The following ANKS1B variants were observed in gnomAD, a reference collection of about 807,000 sequenced individuals.
The protein encoded by ANKS1B is ankyrin repeat and sterile alpha motif domain containing 1B.
Under a neutral mutation model 148.3 loss-of-function variants are expected in ANKS1B, and 36 were observed. The observed-to-expected ratio is 0.24, with a 90% confidence interval of 0.19 to 0.32. The LOEUF (loss-of-function observed/expected upper bound fraction) is 0.32. Ranked by LOEUF, ANKS1B falls within the 10% of genes least tolerant of loss-of-function variation. ANKS1B has a pLI of 1.00. For missense variants in ANKS1B, 1,157 were observed against 1,542.6 expected, an observed-to-expected ratio of 0.75 and a Z score of 4.19; for synonymous variants, 542 against 560.8, an observed-to-expected ratio of 0.97 and a Z score of 0.47.
intron 8 of ANKS1B, among the ~76,000 whole-genome samples, chr12:99,684,184 A>G (rs984142184): frequency 3.3e-4 from 50 of 152,226 alleles, no homozygotes; most frequent in African/African-American, 1.0e-3. Context: ...CTGGTCACCA[A>G]TGATATGATC....
intron 8 of ANKS1B, among the ~76,000 whole-genome samples, chr12:99,674,203 T>G (rs1476416639): frequency 6.6e-6 from 1 of 151,830 alleles, no homozygotes; most frequent in Non-Finnish European, 1.5e-5. Flanking sequence ...TGGCAAATCT[T>G]CCTCAAATAA....
At chr12:99,487,143 G>T (rs2096500957) in intron 10 of ANKS1B, among the ~76,000 whole-genome samples, 1 of 152,168 alleles carries the variant, frequency 6.6e-6, no homozygotes, top group Admixed American at 6.5e-5. Flanking sequence ...GGTGCTCAAG[G>T]CCTGCCATCC....
At chr12:99,870,360 T>G (rs895271773) in intron 1 of ANKS1B, among the ~76,000 whole-genome samples, 1 of 152,240 alleles carries the variant, frequency 6.6e-6, no homozygotes, top group Non-Finnish European at 1.5e-5. Flanking sequence ...CCTCGGTTGA[T>G]TCCATGTCTT....
chr12:99,958,384 T>G (rs1430190381), intron 1 of ANKS1B, among the ~76,000 whole-genome samples: 1 of 152,082 alleles, frequency 6.6e-6, no homozygotes, highest in African/African-American at 2.4e-5. Context: ...ATTTTTTTTG[T>G]TTTTGGGGGG....
intron 9 of ANKS1B, among the ~76,000 whole-genome samples, chr12:99,574,049 A>G (rs1370522547): frequency 6.6e-6 from 1 of 152,078 alleles, no homozygotes; most frequent in Non-Finnish European, 1.5e-5. Flanking sequence ...GTTTACAGGA[A>G]TTGCCTTGAC....
intron 9 of ANKS1B, among the ~76,000 whole-genome samples, chr12:99,620,208 T>G (rs1357308357): frequency 6.6e-6 from 1 of 152,086 alleles, no homozygotes; most frequent in African/African-American, 2.4e-5. Context: ...AAAGGACATT[T>G]TGAAAATAAT....
intron 17 of ANKS1B, among the ~76,000 whole-genome samples, chr12:99,005,181 A>T (rs1463370865): frequency 6.6e-6 from 1 of 152,220 alleles, no homozygotes; most frequent in Non-Finnish European, 1.5e-5. Context: ...CCAGGGGCCA[A>T]CTGTTCATTA....
chr12:99,350,478 C>G (rs918529489), intron 12 of ANKS1B, among the ~76,000 whole-genome samples: 1 of 151,996 alleles, frequency 6.6e-6, no homozygotes, highest in Non-Finnish European at 1.5e-5. Flanking sequence ...ATCACTTCTA[C>G]AAACACAAGA....
chr12:98,905,103 T>C (rs1030847700), intron 17 of ANKS1B, among the ~76,000 whole-genome samples: 2 of 152,186 alleles, frequency 1.3e-5, no homozygotes, highest in Admixed American at 1.3e-4. Flanking sequence ...TTTCTAATAT[T>C]GTTTCTATTT....
chr12:99,345,853 A>C (rs372013009), intron 12 of ANKS1B, among the ~76,000 whole-genome samples: 4 of 152,014 alleles, frequency 2.6e-5, no homozygotes, highest in Non-Finnish European at 4.4e-5. Context: ...CCTAAAAAAA[A>C]TGCTCTTTGT....
chr12:98,979,132 ACT>A (rs769253425), intron 17 of ANKS1B, among the ~76,000 whole-genome samples: 1 of 151,502 alleles, frequency 6.6e-6, no homozygotes, highest in Non-Finnish European at 1.5e-5. Flanking sequence ...ACAGAGCGAG[ACT>A]CTGTCTCAAA....
intron 9 of ANKS1B, among the ~76,000 whole-genome samples, chr12:99,513,405 A>C (rs1238184344): frequency 1.3e-5 from 2 of 152,070 alleles, no homozygotes; most frequent in African/African-American, 4.8e-5. Context: ...TCTGTACCAG[A>C]ATTACACTGT....
chr12:99,749,029 T>C (rs755512214), intron 8 of ANKS1B, among the ~76,000 whole-genome samples: 3 of 152,120 alleles, frequency 2.0e-5, no homozygotes, highest in Non-Finnish European at 4.4e-5. Context: ...AAATATTCGT[T>C]ACTCAAAGCT....
rs563669283 is a variant in ANKS1B, at chr12:99,721,195, G to A, written c.1128+51727C>T. On this transcript the variant is annotated intron_variant, in intron 8 of 26. Coordinates refer to ENST00000683438, the MANE Select transcript of ANKS1B (RefSeq NM_001352186.2). ...ATCTCCCACTCTAGGTTCCCACGCC[G>A]CCCCTAATCCCACTCGAAGCAGCCC... Among the ~76,000 whole-genome samples the A allele has an allele frequency of 2.8e-4, 43 of 151,940 alleles. No homozygotes were observed. In the South Asian group the frequency reaches 7.9e-3, roughly 28 times the overall value.
intron 17 of ANKS1B, among the ~76,000 whole-genome samples, chr12:98,873,649 A>C (rs578107046): frequency 6.6e-6 from 1 of 152,322 alleles, no homozygotes; most frequent in Admixed American, 6.5e-5. Context: ...AGGAGGAATC[A>C]AAGGGGCAAC....
intron 15 of ANKS1B, among the ~76,000 whole-genome samples, chr12:99,131,934 A>C (rs2066225514): frequency 6.6e-6 from 1 of 152,062 alleles, no homozygotes; most frequent in East Asian, 1.9e-4. Context: ...GGAGTTGAGA[A>C]GTCCCTTTCT....
chr12:98,748,534 C>A (rs2097962784), intron 26 of ANKS1B, among the ~76,000 whole-genome samples: 1 of 152,174 alleles, frequency 6.6e-6, no homozygotes, highest in South Asian at 2.1e-4. Context: ...AAGGCCTCTC[C>A]CATTTCTCTG....
chr12:99,052,748 A>AAAAAAAG, intron 17 of ANKS1B, among the ~76,000 whole-genome samples: 1 of 144,560 alleles, frequency 6.9e-6, no homozygotes, highest in Non-Finnish European at 1.5e-5. Context: ...AAAAAAAAAA[A>AAAAAAAG]AAAAAAAAAA....
At chr12:98,909,306 G>A (rs2099783585) in intron 17 of ANKS1B, among the ~76,000 whole-genome samples, 1 of 152,224 alleles carries the variant, frequency 6.6e-6, no homozygotes, top group African/African-American at 2.4e-5. Flanking sequence ...ACTACTAAAT[G>A]AAGGAGATGA....
Sources: allele counts gnomAD v4.1 joint callset (sites outside exome capture counted in the v4.1 genomes callset), GRCh38; gene constraint gnomAD v4.1.1; transcripts MANE v1.5; gene names NCBI Gene and HGNC (gene_info 2026-07-23, HGNC 2026-07-21).